The following LEKR1 variants were observed in gnomAD, a reference collection of about 807,000 sequenced individuals.
LEKR1 encodes the protein leucine, glutamate and lysine rich 1, also known as protein LEKR1.
A neutral mutation model predicts 72.4 loss-of-function variants in LEKR1; 59 were observed. The ratio of observed to expected loss-of-function variants is 0.82; its 90% confidence interval spans 0.66 to 1.01. LEKR1 has a LOEUF of 1.01. Ranked by LOEUF, LEKR1 falls within the 50% of genes least tolerant of loss-of-function variation. The pLI, the probability that LEKR1 is intolerant of heterozygous loss-of-function variation, is 0.00. For synonymous variants in LEKR1, 257 were observed against 263.2 expected (o/e 0.98, Z 0.23); for missense variants, 728 against 759.2 (o/e 0.96, Z 0.48).
intron 6 of LEKR1, among the ~76,000 whole-genome samples, chr3:156,973,900 A>G (rs768716801): frequency 3.3e-5 from 5 of 152,214 alleles, no homozygotes; most frequent in Non-Finnish European, 7.4e-5. Flanking sequence ...AATAAATGTT[A>G]TAAAGCAGGA....
intron 4 of LEKR1, chr3:156,925,179 T>G (rs1274156914): frequency 6.6e-6 from 1 of 152,278 alleles, no homozygotes; most frequent in Non-Finnish European, 1.5e-5. Context: ...TATGTTGTTA[T>G]GAATTGGGAC....
rs1560168507 is a variant in LEKR1, at chr3:157,045,585, GGTGTCA to G, written c.1915_1920del (p.Val639_Ser640del). 1.2e-6 allele frequency: 2 copies of G among 1,614,068 alleles called. No homozygotes were observed. The highest frequency in any genetic ancestry group is 3.3e-5 in the Admixed American group (2 of 59,992). ...GAATCCAAATTCCCAACCTGCGCGG[GGTGTCA>G]AAACCCACCACTTTCCCAACCTCAG... On this transcript the variant is annotated inframe_deletion, in exon 13 of 13. Transcript: ENST00000356539.
At chr3:156,860,732 A>G (rs1382278333) in intron 3 of LEKR1, among the ~76,000 whole-genome samples, 1 of 152,170 alleles carries the variant, frequency 6.6e-6, no homozygotes, top group African/African-American at 2.4e-5. Context: ...TAGGAATACA[A>G]TCTATAGTAA....
chr3:156,915,558 T>C (rs1404671153), intron 3 of LEKR1, among the ~76,000 whole-genome samples: 1 of 152,180 alleles, frequency 6.6e-6, no homozygotes, highest in Non-Finnish European at 1.5e-5. Flanking sequence ...GTATGTCTTC[T>C]TTTGAGAAGT....
intron 3 of LEKR1, among the ~76,000 whole-genome samples, chr3:156,869,833 G>C (rs1717716903): frequency 6.6e-6 from 1 of 152,020 alleles, no homozygotes; most frequent in Non-Finnish European, 1.5e-5. Context: ...TAGTTTTATA[G>C]TTTGGGGTCT....
At chr3:157,018,593 C>CAGAT (rs1733568180) in intron 10 of LEKR1, among the ~76,000 whole-genome samples, 1 of 151,912 alleles carries the variant, frequency 6.6e-6, no homozygotes, top group Admixed American at 6.6e-5. Context: ...CTATGCTGTA[C>CAGAT]AGATGTAGGG....
At chr3:156,850,983 G>A (rs748565354) in intron 2 of LEKR1, among the ~76,000 whole-genome samples, 1 of 152,090 alleles carries the variant, frequency 6.6e-6, no homozygotes, top group Non-Finnish European at 1.5e-5. Flanking sequence ...AAATATTAAA[G>A]ACCAATCAGA....
rs921116804 is a variant in LEKR1 at position 157,006,935 on chromosome 3, C to A, written c.1110-4478C>A. Among the ~76,000 whole-genome samples the A allele has an allele frequency of 2.0e-5, 3 of 152,170 alleles. No individual in the cohort carries two copies. In the East Asian group the frequency reaches 5.8e-4, roughly 29 times the overall value. On this transcript the variant is annotated intron_variant, in intron 9 of 12. Coordinates refer to ENST00000356539, the MANE Select transcript of LEKR1 (RefSeq NM_001004316.3). ...ACAAAGAGGCGGATGGGCACGGCGGCTCACGCCTGTAATCCCAGCACTTTG... is the reference window on the plus strand; with the variant it reads ...ACAAAGAGGCGGATGGGCACGGCGGATCACGCCTGTAATCCCAGCACTTTG...
chr3:156,996,130 C>T (rs1171095926), intron 9 of LEKR1, among the ~76,000 whole-genome samples: 2 of 151,672 alleles, frequency 1.3e-5, no homozygotes, highest in Non-Finnish European at 1.5e-5. Context: ...TAGTACATAG[C>T]TTATATTTTA....
At chr3:156,975,512 C>T (rs1416947640) in intron 6 of LEKR1, among the ~76,000 whole-genome samples, 4 of 152,138 alleles carry the variant, frequency 2.6e-5, no homozygotes, top group Non-Finnish European at 5.9e-5. Context: ...ATTATACTAA[C>T]TTAATGTGCC....
At chr3:156,897,226 C>T (rs1447848181) in intron 3 of LEKR1, among the ~76,000 whole-genome samples, 1 of 152,138 alleles carries the variant, frequency 6.6e-6, no homozygotes, top group Non-Finnish European at 1.5e-5. Flanking sequence ...TGGAATCTTA[C>T]CCCAAGATGA....
intron 10 of LEKR1, among the ~76,000 whole-genome samples, chr3:157,014,271 G>T (rs1042283776): frequency 5.3e-5 from 8 of 152,050 alleles, no homozygotes; most frequent in African/African-American, 1.9e-4. Flanking sequence ...ACTTAAGAAC[G>T]TTTTAGAATT....
intron 7 of LEKR1, among the ~76,000 whole-genome samples, chr3:156,987,015 T>A (rs991444137): frequency 2.7e-5 from 4 of 148,864 alleles, no homozygotes; most frequent in Admixed American, 1.3e-4. Flanking sequence ...TGGGGGGAAA[T>A]AGCTAGCTAT....
chr3:156,995,064 T>C lies in LEKR1; in HGVS notation c.1109+1787T>C, dbSNP rs190849756. 5.3e-5 allele frequency among the ~76,000 whole-genome samples: 8 copies of C among 152,346 alleles called. No individual in the cohort carries two copies. In the East Asian group the frequency reaches 1.5e-3, roughly 29 times the overall value. Reference sequence around the variant, plus strand: ...CTCAGATAGGTCCAGTGAAAATAAGTCCAGTGAATATGATGGGAAATCAAC... The same window carrying C: ...CTCAGATAGGTCCAGTGAAAATAAGCCCAGTGAATATGATGGGAAATCAAC... On this transcript the variant is annotated intron_variant, in intron 9 of 12. Coordinates refer to ENST00000356539, the MANE Select transcript of LEKR1 (RefSeq NM_001004316.3).
At chr3:156,948,403 A>G (rs1437754229) in intron 6 of LEKR1, among the ~76,000 whole-genome samples, 1 of 151,146 alleles carries the variant, frequency 6.6e-6, no homozygotes, top group Admixed American at 6.6e-5. Flanking sequence ...GACATTTTTT[A>G]TTAGTGACTC....
rs58950224 is a variant in LEKR1, at chr3:157,017,948, CA to C, written c.1203+6466del. ...TGGGCCACAGAGCGAGACTCTGTCTCAAAAAAAAAAAAAAAAAAAAAAAAGA... is the reference window on the plus strand; with the variant it reads ...TGGGCCACAGAGCGAGACTCTGTCTCAAAAAAAAAAAAAAAAAAAAAAAGA... On this transcript the variant is annotated intron_variant, in intron 10 of 12. Transcript: ENST00000356539. Among the ~76,000 whole-genome samples, 152 of 82,954 alleles carry C rather than the reference CA, an allele frequency of 1.8e-3. 1 individual carries two copies. The highest frequency in any genetic ancestry group is 0.012 in the South Asian group (34 of 2,920). 54.4% of individuals were successfully genotyped at this position (82,954 alleles called of 152,430 possible).
chr3:156,994,430 T>C (rs1731384389), intron 9 of LEKR1, among the ~76,000 whole-genome samples: 1 of 152,166 alleles, frequency 6.6e-6, no homozygotes, highest in Non-Finnish European at 1.5e-5. Flanking sequence ...TATAATTACT[T>C]ATATTTTATT....
At chr3:157,004,564 T>C (rs1233992137) in intron 9 of LEKR1, among the ~76,000 whole-genome samples, 1 of 152,150 alleles carries the variant, frequency 6.6e-6, no homozygotes, top group Non-Finnish European at 1.5e-5. Context: ...ACAGACTGTA[T>C]GATTGGGACA....
chr3:156,869,561 T>A (rs1368732036), intron 3 of LEKR1, among the ~76,000 whole-genome samples: 1 of 152,064 alleles, frequency 6.6e-6, no homozygotes, highest in Non-Finnish European at 1.5e-5. Flanking sequence ...GGTTTTTTAC[T>A]GCTAAGGGTT....
Sources: allele counts gnomAD v4.1 joint callset (sites outside exome capture counted in the v4.1 genomes callset), GRCh38; gene constraint gnomAD v4.1.1; transcripts MANE v1.5; gene names NCBI Gene and HGNC (gene_info 2026-07-23, HGNC 2026-07-21).